ZNF148: variants seen among roughly 807,000 people sequenced by gnomAD.
The protein encoded by ZNF148 is Beta-Enolase Repressor Factor-1.
Under a neutral mutation model 67.7 loss-of-function variants are expected in ZNF148, and 7 were observed. That is an observed-to-expected ratio of 0.10 (90% CI 0.06 to 0.19). ZNF148 has a LOEUF of 0.19. Among genes scored for constraint, ZNF148 ranks in the 10% least tolerant of loss-of-function variants. The pLI is 1.00. For missense variants in ZNF148, 583 were observed against 947.1 expected, an observed-to-expected ratio of 0.62 and a Z score of 5.05; for synonymous variants, 333 against 330.7, an observed-to-expected ratio of 1.01 and a Z score of -0.08.
At chr3:125,371,883 T>A (rs1942900925) in intron 1 of ZNF148, among the ~76,000 whole-genome samples, 1 of 151,256 alleles carries the variant, frequency 6.6e-6, no homozygotes, top group Non-Finnish European at 1.5e-5. Flanking sequence ...GCTAACACGG[T>A]GAAACCCCGT....
At chr3:125,308,621 C>T (rs190146177) in intron 4 of ZNF148, among the ~76,000 whole-genome samples, 1 of 146,762 alleles carries the variant, frequency 6.8e-6, no homozygotes, top group East Asian at 2.0e-4. Context: ...TACAAAAGAA[C>T]AACAAAATTG....
intron 1 of ZNF148, among the ~76,000 whole-genome samples, chr3:125,367,231 C>T (rs913936316): frequency 1.3e-5 from 2 of 152,174 alleles, no homozygotes; most frequent in Admixed American, 1.3e-4. Flanking sequence ...AATAGCCTTA[C>T]CATCTTCCTC....
intron 1 of ZNF148, among the ~76,000 whole-genome samples, chr3:125,352,858 G>C (rs1160380588): frequency 6.6e-6 from 1 of 152,108 alleles, no homozygotes; most frequent in Admixed American, 6.6e-5. Flanking sequence ...TACTCGATAA[G>C]ACTCACTATA....
intron 7 of ZNF148, among the ~76,000 whole-genome samples, chr3:125,269,136 G>A (rs79892050): frequency 0.034 from 5,145 of 150,012 alleles, 280 homozygotes; most frequent in African/African-American, 0.12. Flanking sequence ...AGGAGACTAA[G>A]GCAGGTGGAT....
At chr3:125,364,671 A>G (rs1579912559) in intron 1 of ZNF148, among the ~76,000 whole-genome samples, 1 of 152,176 alleles carries the variant, frequency 6.6e-6, no homozygotes. Flanking sequence ...GTTGGATGAG[A>G]TATCAGCTTG....
At chr3:125,309,640 C>T (rs1253947386) in intron 4 of ZNF148, among the ~76,000 whole-genome samples, 1 of 152,106 alleles carries the variant, frequency 6.6e-6, no homozygotes, top group Admixed American at 6.5e-5. Flanking sequence ...CGGCTATTTC[C>T]GCCCATGCAA....
intron 7 of ZNF148, among the ~76,000 whole-genome samples, chr3:125,245,708 C>G (rs150365269): frequency 6.6e-6 from 1 of 152,168 alleles, no homozygotes; most frequent in East Asian, 1.9e-4. Flanking sequence ...TCTCCACTTC[C>G]CACTGTCATC....
At chr3:125,306,985 A>T (rs1939911660) in intron 4 of ZNF148, among the ~76,000 whole-genome samples, 1 of 152,148 alleles carries the variant, frequency 6.6e-6, no homozygotes, top group African/African-American at 2.4e-5. Flanking sequence ...CTTTCAGAAA[A>T]CAGAGAAGGA....
chr3:125,262,256 CT>C (rs1219187069), intron 7 of ZNF148, among the ~76,000 whole-genome samples: 2 of 152,118 alleles, frequency 1.3e-5, no homozygotes, highest in East Asian at 3.9e-4. Flanking sequence ...TGATATTTGC[CT>C]TTTATCATGT....
intron 7 of ZNF148, among the ~76,000 whole-genome samples, chr3:125,248,249 T>C (rs757915144): frequency 6.6e-6 from 1 of 152,236 alleles, no homozygotes. Flanking sequence ...AAACAATGTT[T>C]ACTAAAAAGT....
At chr3:125,330,184 G>C (rs1407734478) in intron 2 of ZNF148, among the ~76,000 whole-genome samples, 1 of 152,156 alleles carries the variant, frequency 6.6e-6, no homozygotes, top group African/African-American at 2.4e-5. Context: ...GAATTCTCAG[G>C]CTGAGCGCAG....
chr3:125,343,044 C>G (rs560499869), intron 1 of ZNF148, among the ~76,000 whole-genome samples: 2 of 152,208 alleles, frequency 1.3e-5, no homozygotes, highest in Admixed American at 6.5e-5. Flanking sequence ...CAAACATTCA[C>G]GCACTACCAG....
chr3:125,369,614 T>G (rs1559788175), intron 1 of ZNF148, among the ~76,000 whole-genome samples: 1 of 152,056 alleles, frequency 6.6e-6, no homozygotes, highest in Non-Finnish European at 1.5e-5. Context: ...ATATAAAAGT[T>G]CTTATCTGGA....
chr3:125,312,389 G>C (rs913267925), intron 4 of ZNF148, among the ~76,000 whole-genome samples: 2 of 152,212 alleles, frequency 1.3e-5, no homozygotes, highest in Admixed American at 6.5e-5. Flanking sequence ...ACTACAAGTA[G>C]TTATCCGCTC....
intron 1 of ZNF148, among the ~76,000 whole-genome samples, chr3:125,362,118 A>C (rs934253682): frequency 6.6e-6 from 1 of 152,228 alleles, no homozygotes; most frequent in African/African-American, 2.4e-5. Flanking sequence ...GCACCACCAG[A>C]AAGCTATGAA....
chr3:125,280,073 G>C (rs1417591731), intron 5 of ZNF148, among the ~76,000 whole-genome samples: 2 of 151,876 alleles, frequency 1.3e-5, no homozygotes, highest in Admixed American at 6.6e-5. Context: ...GGATCACTAA[G>C]GTTATTCTAG....
At chr3:125,332,002 G>C (rs773977726) in intron 1 of ZNF148, among the ~76,000 whole-genome samples, 6 of 152,092 alleles carry the variant, frequency 3.9e-5, no homozygotes, top group Non-Finnish European at 8.8e-5. Flanking sequence ...TTATGTAACA[G>C]TCCTAATACA....
chr3:125,276,557 C>T (rs1266018932), intron 7 of ZNF148, among the ~76,000 whole-genome samples: 2 of 152,092 alleles, frequency 1.3e-5, no homozygotes, highest in African/African-American at 4.8e-5. Context: ...CCTCAGCCTC[C>T]CGAGTAGCTG....
intron 4 of ZNF148, among the ~76,000 whole-genome samples, chr3:125,308,448 T>A (rs1196662833): frequency 6.6e-6 from 1 of 151,702 alleles, no homozygotes. Flanking sequence ...GGAGCCATTA[T>A]TGTTTAGATG....
Sources: allele counts gnomAD v4.1 joint callset (sites outside exome capture counted in the v4.1 genomes callset), GRCh38; gene constraint gnomAD v4.1.1; transcripts MANE v1.5; gene names NCBI Gene and HGNC (gene_info 2026-07-23, HGNC 2026-07-21).